The following INPP4A variants were observed in gnomAD, a reference collection of about 807,000 sequenced individuals.
INPP4A encodes inositol polyphosphate-4-phosphatase, type I, 107kD.
A neutral mutation model predicts 119.8 loss-of-function variants in INPP4A; 33 were observed. That is an observed-to-expected ratio of 0.28 (90% CI 0.21 to 0.37). The LOEUF is 0.37. INPP4A is among the 10% of genes least tolerant of loss of function. The pLI is 1.00. For missense variants in INPP4A, 956 were observed against 1,289.9 expected (o/e 0.74, Z 3.97); for synonymous variants, 496 against 500.7 (o/e 0.99, Z 0.12).
chr2:98,567,064 T>G (rs915323358), intron 21 of INPP4A, among the ~76,000 whole-genome samples: 3 of 152,162 alleles, frequency 2.0e-5, no homozygotes, highest in African/African-American at 7.2e-5. Flanking sequence ...TGGGAGACAC[T>G]GAAGAACTCT....
intron 1 of INPP4A, among the ~76,000 whole-genome samples, chr2:98,494,064 G>A (rs1025767627): frequency 2.6e-5 from 4 of 152,168 alleles, no homozygotes; most frequent in Non-Finnish European, 4.4e-5. Flanking sequence ...GATGTCTGTG[G>A]CACTTGAGCC....
chr2:98,495,826 C>T (rs901255818), intron 1 of INPP4A, among the ~76,000 whole-genome samples: 1 of 152,074 alleles, frequency 6.6e-6, no homozygotes, highest in African/African-American at 2.4e-5. Flanking sequence ...GTGCCAGACT[C>T]TTAGTTAATT....
At chr2:98,445,593 A>G (rs1342873031) in intron 1 of INPP4A, among the ~76,000 whole-genome samples, 1 of 152,226 alleles carries the variant, frequency 6.6e-6, no homozygotes, top group Non-Finnish European at 1.5e-5. Flanking sequence ...TGGCTTTGCT[A>G]GTCAATTAAT....
At chr2:98,561,724 A>G (rs762330956) in intron 17 of INPP4A, among the ~76,000 whole-genome samples, 1 of 152,256 alleles carries the variant, frequency 6.6e-6, no homozygotes, top group Non-Finnish European at 1.5e-5. Context: ...GATTAAAATA[A>G]TCATGATTTT....
chr2:98,560,996 C>T (rs1044298909), intron 17 of INPP4A, among the ~76,000 whole-genome samples: 3 of 152,208 alleles, frequency 2.0e-5, no homozygotes, highest in African/African-American at 7.2e-5. Flanking sequence ...TGCTGATGGA[C>T]TAAAATGGTC....
intron 1 of INPP4A, among the ~76,000 whole-genome samples, chr2:98,478,331 G>C (rs1235353209): frequency 6.6e-6 from 1 of 152,186 alleles, no homozygotes; most frequent in South Asian, 2.1e-4. Context: ...GAGGATTCCT[G>C]TCGCTTGGGA....
At position 98,588,440 on chromosome 2, in the gene INPP4A, A is replaced by G. The variant is rs1430997004; in HGVS notation, c.*832A>G. ...GTAGGGCCTCAGATGTGGCATGTCA[A>G]CACTCCCATGGGGAATTTATGACCA... On this transcript the variant is annotated 3_prime_UTR_variant, in exon 25 of 25. Coordinates refer to ENST00000409851, the MANE Select transcript of INPP4A (RefSeq NM_001134225.2). 5 of 205,434 alleles carry G rather than the reference A, an allele frequency of 2.4e-5. No homozygotes were observed. The highest frequency in any genetic ancestry group is 4.0e-5 in the Non-Finnish European group (4 of 100,624). The allele number at this position is 205,434 out of a possible 1,614,324, so 12.7% of individuals were successfully genotyped here.
chr2:98,573,579 G>A (rs920307765), intron 23 of INPP4A, among the ~76,000 whole-genome samples: 2 of 152,134 alleles, frequency 1.3e-5, no homozygotes, highest in African/African-American at 4.8e-5. Flanking sequence ...GGAGGGAGGT[G>A]GCACTGCACT....
chr2:98,581,887 A>G (rs1699361824), intron 24 of INPP4A: 3 of 1,382,340 alleles, frequency 2.2e-6, no homozygotes, highest in East Asian at 5.4e-5. Flanking sequence ...CATGCCTTAC[A>G]TTTTGACGTT....
At chr2:98,460,046 T>C (rs1696863071) in intron 1 of INPP4A, among the ~76,000 whole-genome samples, 1 of 150,868 alleles carries the variant, frequency 6.6e-6, no homozygotes, top group African/African-American at 2.5e-5. Context: ...GGCTGGAACC[T>C]AGGTCTGCTT....
rs1334028144 is a variant in INPP4A at position 98,577,064 on chromosome 2, C to T, written c.2707C>T (p.Leu903=). 6.2e-7 allele frequency: 1 copy of T among 1,613,896 alleles called. No individual in the cohort carries two copies. The highest frequency in any genetic ancestry group is 8.5e-7 in the Non-Finnish European group (1 of 1,179,898). ...AKDRTAMSVT[L]EQCLILQHEH... ...GGACCGTACAGCCATGTCGGTGACACTGGAGCAGTGCCTGATCCTGCAACA... is the reference window on the plus strand; with the variant it reads ...GGACCGTACAGCCATGTCGGTGACATTGGAGCAGTGCCTGATCCTGCAACA... Residue 903 remains leucine, a synonymous_variant, in exon 24 of 25, where the codon CTG becomes TTG. Coordinates refer to ENST00000409851, the MANE Select transcript of INPP4A (RefSeq NM_001134225.2).
chr2:98,508,447 G>T (rs1684496311), intron 1 of INPP4A, among the ~76,000 whole-genome samples: 1 of 152,200 alleles, frequency 6.6e-6, no homozygotes, highest in South Asian at 2.1e-4. Flanking sequence ...CTCTGAGTGA[G>T]TGATGATACC....
chr2:98,489,859 AC>A (rs555669906), intron 1 of INPP4A, among the ~76,000 whole-genome samples: 2 of 123,270 alleles, frequency 1.6e-5, no homozygotes, highest in East Asian at 5.3e-4. Flanking sequence ...GGGTTTATAT[AC>A]CCCCCCACCC....
rs368133923 is a variant in INPP4A at position 98,546,602 on chromosome 2, C to T, written c.1071C>T (p.Ile357=). Residue 357 remains isoleucine (I), a synonymous_variant, in exon 13 of 25, where the codon ATC becomes ATT. Coordinates refer to ENST00000409851, the MANE Select transcript of INPP4A (RefSeq NM_001134225.2). The surrounding 1 kb of genome is among the most constrained non-coding windows in gnomAD (Gnocchi z 4.2). ...DDGGSDQNYD[I]VTIGAPAAHC... is the part of the protein sequence containing the mutation. Reference sequence around the variant, plus strand: ...GTCATTCAGATCAGAACTACGACATCGTCACCATTGGGGCGCCAGCAGCAC... The same window carrying T: ...GTCATTCAGATCAGAACTACGACATTGTCACCATTGGGGCGCCAGCAGCAC... The T allele has an allele frequency of 1.2e-5, 20 of 1,613,080 alleles. No homozygotes were observed. The highest frequency in any genetic ancestry group is 6.7e-5 in the East Asian group (3 of 44,874).
intron 1 of INPP4A, among the ~76,000 whole-genome samples, chr2:98,500,186 G>A (rs747202541): frequency 4.6e-5 from 7 of 152,110 alleles, no homozygotes; most frequent in Admixed American, 1.3e-4. Context: ...GAGTCCTCAC[G>A]CATGCTTTCT....
At chr2:98,560,331 A>G (rs886967859) in intron 17 of INPP4A, among the ~76,000 whole-genome samples, 28 of 152,346 alleles carry the variant, frequency 1.8e-4, no homozygotes, top group African/African-American at 6.7e-4. Context: ...TCTAGAATGT[A>G]GCGAGTCCAT....
At chr2:98,465,988 T>TC (rs1262564992) in intron 1 of INPP4A, among the ~76,000 whole-genome samples, 1 of 152,070 alleles carries the variant, frequency 6.6e-6, no homozygotes, top group Non-Finnish European at 1.5e-5. Context: ...ACTCCAGCCC[T>TC]CCCCCCAGTA....
At chr2:98,578,377 G>A (rs1266534755) in intron 24 of INPP4A, among the ~76,000 whole-genome samples, 1 of 152,212 alleles carries the variant, frequency 6.6e-6, no homozygotes, top group Non-Finnish European at 1.5e-5. Flanking sequence ...AGAACAAAGT[G>A]GACAGGGATC....
intron 1 of INPP4A, among the ~76,000 whole-genome samples, chr2:98,491,002 A>G: frequency 6.6e-6 from 1 of 152,372 alleles, no homozygotes; most frequent in East Asian, 1.9e-4. Flanking sequence ...AAAAAATAAA[A>G]TGAGGTTACT....
Sources: allele counts gnomAD v4.1 joint callset (sites outside exome capture counted in the v4.1 genomes callset), GRCh38; gene constraint gnomAD v4.1.1; non-coding constraint Gnocchi (gnomAD v3.1); transcripts MANE v1.5; gene names NCBI Gene and HGNC (gene_info 2026-07-23, HGNC 2026-07-21).